Variants in TAOK3 observed in about 807,000 individuals in gnomAD.
The protein encoded by TAOK3 is serine/threonine-protein kinase TAO3.
TAOK3 carries 40 observed loss-of-function variants against 120.4 expected under a neutral mutation model. The observed-to-expected ratio is 0.33, with a 90% CI of 0.26 to 0.43. The LOEUF (loss-of-function observed/expected upper bound fraction) is 0.43. Among genes scored for constraint, TAOK3 ranks in the 20% least tolerant of loss-of-function variants. TAOK3 has a pLI of 1.00. For missense variants in TAOK3, 821 were observed against 1,112.1 expected, an observed-to-expected ratio of 0.74 and a Z score of 3.72; for synonymous variants, 355 against 387.5, an observed-to-expected ratio of 0.92 and a Z score of 0.99.
chr12:118,191,962 C>T (rs570772954), intron 13 of TAOK3, among the ~76,000 whole-genome samples: 1 of 152,196 alleles, frequency 6.6e-6, no homozygotes, highest in East Asian at 1.9e-4. Flanking sequence ...GAGGGGGAGA[C>T]CCCAAATACA....
chr12:118,156,155 C>CT (rs1290294128), intron 19 of TAOK3, among the ~76,000 whole-genome samples: 3 of 152,128 alleles, frequency 2.0e-5, no homozygotes, highest in Non-Finnish European at 4.4e-5. Context: ...CAACTTCTTC[C>CT]TTCTCTTTGC....
chr12:118,238,623 A>C (rs971356752), intron 6 of TAOK3, among the ~76,000 whole-genome samples: 3 of 151,234 alleles, frequency 2.0e-5, no homozygotes, highest in African/African-American at 7.3e-5. Context: ...TTCAGAGATC[A>C]ACAGTGATTT....
intron 17 of TAOK3, among the ~76,000 whole-genome samples, chr12:118,164,564 C>T (rs112161601): frequency 6.6e-6 from 1 of 151,778 alleles, no homozygotes; most frequent in South Asian, 2.1e-4. Flanking sequence ...ATTACAGGTG[C>T]CCACCACCAC....
chr12:118,253,723 C>G (rs1013306953), intron 3 of TAOK3, among the ~76,000 whole-genome samples: 6 of 141,670 alleles, frequency 4.2e-5, no homozygotes, highest in Non-Finnish European at 3.0e-5. Context: ...GGCGACAGAG[C>G]AAGACTGTCT....
At position 118,199,254 on chromosome 12, in the gene TAOK3, T is replaced by C. The variant is rs373711468; in HGVS notation, c.991A>G (p.Ser331Gly). The C allele has an allele frequency of 1.2e-6, 2 of 1,612,924 alleles. No individual in the cohort carries two copies. The highest frequency in any genetic ancestry group is 1.7e-6 in the Non-Finnish European group (2 of 1,179,042). The change falls in exon 13 of 21, where the codon AGT becomes GGT. Residue 331 changes from serine (S) to glycine (G), a missense_variant. Physicochemically the swap from Ser to Gly is moderately conservative, Grantham distance 56 (BLOSUM62 0). Coordinates refer to ENST00000392533, the MANE Select transcript of TAOK3 (RefSeq NM_016281.4). The stretch of plus-strand genomic sequence containing the variant: ...CTGTTCAGGCTGGTTCCATGTTCAC[T>C]GTCCTGTAAAAATGGGGCACTGAGG... Reference protein sequence around the residue: ...LNESQEDEEDSEHGTSLNREM... With the variant: ...LNESQEDEEDGEHGTSLNREM...
At chr12:118,241,971 G>A (rs1412710708) in intron 5 of TAOK3, among the ~76,000 whole-genome samples, 1 of 151,836 alleles carries the variant, frequency 6.6e-6, no homozygotes, top group Non-Finnish European at 1.5e-5. Flanking sequence ...TTAGCCGGGT[G>A]TGGTACTCCG....
chr12:118,197,372 C>G (rs1449725802), intron 13 of TAOK3, among the ~76,000 whole-genome samples: 1 of 152,154 alleles, frequency 6.6e-6, no homozygotes, highest in Non-Finnish European at 1.5e-5. Flanking sequence ...CTTAAGTCAT[C>G]ACACATCAGG....
At chr12:118,183,125 T>C (rs918812225) in intron 14 of TAOK3, among the ~76,000 whole-genome samples, 2 of 152,148 alleles carry the variant, frequency 1.3e-5, no homozygotes, top group African/African-American at 2.4e-5. Flanking sequence ...GTAAGGCCCA[T>C]CTCCCCAGCC....
In TAOK3 at chr12:118,303,502, T is replaced by C. The variant is rs543111137; in HGVS notation, c.-193-36743A>G. 4.6e-5 allele frequency among the ~76,000 whole-genome samples: 7 copies of C among 152,370 alleles called. No homozygotes were observed. The East Asian group carries it at 1.3e-3, about 29-fold the overall frequency. On this transcript the variant is annotated intron_variant, in intron 1 of 20. Transcript: ENST00000392533. ...AATGCTATGAGACATTTCTTTTGCA[T>C]TGACTTTTATCTGTGCACTGTTTTC... is the stretch of plus-strand genomic sequence containing the variant.
intron 19 of TAOK3, among the ~76,000 whole-genome samples, chr12:118,157,939 G>T (rs2034954152): frequency 6.6e-6 from 1 of 152,138 alleles, no homozygotes; most frequent in African/African-American, 2.4e-5. Context: ...GAGGATCTGG[G>T]AAAAGCAGTC....
At chr12:118,195,353 T>C (rs1050007598) in intron 13 of TAOK3, among the ~76,000 whole-genome samples, 18 of 152,174 alleles carry the variant, frequency 1.2e-4, no homozygotes, top group African/African-American at 4.3e-4. Flanking sequence ...CTTTGCTGCT[T>C]AGGATATTAT....
intron 1 of TAOK3, among the ~76,000 whole-genome samples, chr12:118,290,528 T>C (rs370344675): frequency 1.3e-5 from 2 of 152,260 alleles, no homozygotes; most frequent in Non-Finnish European, 1.5e-5. Flanking sequence ...ATTTAGGTTA[T>C]TTTAGGTTAA....
chr12:118,288,841 AG>A lies in TAOK3; in HGVS notation c.-193-22083del, dbSNP rs1306904946. ...TCATACAGGAGAACAGGTTGAACCCAGGAAGTGGAGGTTGCAGTGAGCCGAG... is the reference window on the plus strand; with the variant it reads ...TCATACAGGAGAACAGGTTGAACCCAGAAGTGGAGGTTGCAGTGAGCCGAG... On this transcript the variant is annotated intron_variant, in intron 1 of 20. Coordinates refer to ENST00000392533, the MANE Select transcript of TAOK3 (RefSeq NM_016281.4). Among the ~76,000 whole-genome samples the A allele has an allele frequency of 3.3e-5, 5 of 149,310 alleles. No individual in the cohort carries two copies. The East Asian group carries it at 9.9e-4, about 30-fold the overall frequency.
At chr12:118,272,737 G>T (rs192647111) in intron 1 of TAOK3, among the ~76,000 whole-genome samples, 20 of 152,200 alleles carry the variant, frequency 1.3e-4, no homozygotes, top group Admixed American at 8.5e-4. Context: ...TTGGGAGACC[G>T]AGGTGGGAGG....
chr12:118,308,176 C>G (rs998337986), intron 1 of TAOK3, among the ~76,000 whole-genome samples: 1 of 152,084 alleles, frequency 6.6e-6, no homozygotes, highest in African/African-American at 2.4e-5. Context: ...CTCTGGTCGT[C>G]CTCACTGCTA....
intron 1 of TAOK3, among the ~76,000 whole-genome samples, chr12:118,365,698 G>A (rs960656371): frequency 2.6e-5 from 4 of 152,082 alleles, no homozygotes; most frequent in Admixed American, 1.3e-4. Context: ...TCTGTGCTTC[G>A]TACTATACTT....
intron 17 of TAOK3, among the ~76,000 whole-genome samples, chr12:118,169,951 G>A (rs532920576): frequency 9.9e-5 from 15 of 151,580 alleles, no homozygotes; most frequent in African/African-American, 3.4e-4. Context: ...TCCATCTCCC[G>A]ACCTCGTGAT....
Position 118,152,341 on chromosome 12 carries a change from C to T in TAOK3, c.2421G>A (p.Glu807=). Residue 807 remains glutamate (E), a synonymous_variant, in exon 20 of 21, where the codon GAG becomes GAA. Coordinates refer to ENST00000392533, the MANE Select transcript of TAOK3 (RefSeq NM_016281.4). Reference sequence around the variant, plus strand: ...TTTTGCTCTGGTAGGCGTTGAGCAGCTCCATTTCCTGCTGGAGCTGTAGCC... The same window carrying T: ...TTTTGCTCTGGTAGGCGTTGAGCAGTTCCATTTCCTGCTGGAGCTGTAGCC... ...ALRLQLQQEM[E]LLNAYQSKIK... 6.2e-7 allele frequency: 1 copy of T among 1,614,148 alleles called. No individual in the cohort carries two copies. The highest frequency in any genetic ancestry group is 8.5e-7 in the Non-Finnish European group (1 of 1,180,034).
chr12:118,222,544 AG>A (rs1478783070), intron 9 of TAOK3, among the ~76,000 whole-genome samples: 17 of 151,652 alleles, frequency 1.1e-4, no homozygotes, highest in Non-Finnish European at 1.3e-4. Flanking sequence ...AAAAAAAAAA[AG>A]AAAGAAAGAA....
Sources: allele counts gnomAD v4.1 joint callset (sites outside exome capture counted in the v4.1 genomes callset), GRCh38; gene constraint gnomAD v4.1.1; transcripts MANE v1.5; gene names NCBI Gene and HGNC (gene_info 2026-07-23, HGNC 2026-07-21).